Variants in TEAD2 observed in about 807,000 individuals in gnomAD.
TEAD2 encodes the protein transcriptional enhancer factor TEF-4.
Under a neutral mutation model 61.4 loss-of-function variants are expected in TEAD2, and 51 were observed. The ratio of observed to expected loss-of-function variants is 0.83; its 90% CI spans 0.66 to 1.05. The LOEUF is 1.05. Ranked by LOEUF, TEAD2 falls within the 50% of genes least tolerant of loss-of-function variation. The probability of loss-of-function intolerance (pLI) is 0.00; values close to 1 mark genes in which losing one functional copy is unlikely to be tolerated. For missense variants in TEAD2, 509 were observed against 600.0 expected, an observed-to-expected ratio of 0.85 and a Z score of 1.58; for synonymous variants, 244 against 243.2, an observed-to-expected ratio of 1.00 and a Z score of -0.03.
chr19:49,348,636 T>C (rs753558576), intron 9 of TEAD2, 67 bp downstream of exon 9: 1 of 1,392,404 alleles, frequency 7.2e-7, no homozygotes, highest in Non-Finnish European at 1.0e-6. Context: ...CATGACTTTA[T>C]ACATTCCCTT....
chr19:49,348,847 T>TAG lies in TEAD2; in HGVS notation c.605-4_605-3dup, dbSNP rs758210362. 1.3e-6 allele frequency: 2 copies of TAG among 1,534,030 alleles called. No individual in the cohort carries two copies. Among genetic ancestry groups the TAG allele is most frequent in the Non-Finnish European group, 1.7e-6 (2 of 1,146,084 alleles). ...AGAGGGCTTGGGGGGGCTCGTACCC[T>TAG]AGAGAGAGAGAAGAAAGAACAATAC... On this transcript the variant is annotated splice_polypyrimidine_tract_variant and splice_region_variant and intron_variant, in intron 8 of 12. Coordinates refer to ENST00000593945, the MANE Select transcript of TEAD2 (RefSeq NM_001256660.2).
intron 9 of TEAD2, 39 bp downstream of exon 9, chr19:49,348,664 T>C: frequency 6.4e-7 from 1 of 1,568,300 alleles, no homozygotes; most frequent in Non-Finnish European, 8.8e-7. Flanking sequence ...CCCTCTATAT[T>C]TCAAAATCCC....
chr19:49,350,582 G>A (rs954457792), intron 8 of TEAD2, among the ~76,000 whole-genome samples: 16 of 152,108 alleles, frequency 1.1e-4, no homozygotes, highest in Admixed American at 7.2e-4. Flanking sequence ...TGATCCACCC[G>A]CCTAGGCCTC....
chr19:49,344,407 A>G (rs532608321), intron 10 of TEAD2, among the ~76,000 whole-genome samples: 157 of 151,946 alleles, frequency 1.0e-3, no homozygotes, highest in African/African-American at 3.7e-3. Flanking sequence ...CAGCCTCCCA[A>G]GTGGCTGGGA....
chr19:49,348,427 C>G (rs1971787032), intron 9 of TEAD2, among the ~76,000 whole-genome samples: 1 of 152,164 alleles, frequency 6.6e-6, no homozygotes, highest in African/African-American at 2.4e-5. Context: ...ACCTTCCCAA[C>G]TTGTCACCCT....
At position 49,359,947 on chromosome 19, in the gene TEAD2, C is replaced by G; in HGVS notation, c.129G>C (p.Gly43=). ...TCTGCTCAATGTCTGGGCTCCACAC[C>G]CCCTCTGCATCCGGGCCCCCGTCAC... ...AGGDGGPDAE[G]VWSPDIEQSF... The change falls in exon 2 of 13, where the codon GGG becomes GGC. Residue 43 remains glycine (G), a synonymous_variant. Coordinates refer to ENST00000593945, the MANE Select transcript of TEAD2 (RefSeq NM_001256660.2). This position sits in a 1 kb window ranked among gnomAD's most constrained non-coding sequence, Gnocchi z 4.1. The G allele has an allele frequency of 6.2e-7, 1 of 1,612,018 alleles. No homozygotes were observed. Among genetic ancestry groups the G allele is most frequent in the Non-Finnish European group, 8.5e-7 (1 of 1,180,004 alleles).
chr19:49,351,374 A>G lies in TEAD2; in HGVS notation c.540-9T>C. On this transcript the variant is annotated splice_polypyrimidine_tract_variant and intron_variant, in intron 7 of 12. Transcript: ENST00000593945. ...GTGAGAATGGCTTCACACTGAGGGA[A>G]AAAGGAAGCCAGGGGTTAGCCAGGT... 1 of 1,607,608 alleles carries G rather than the reference A, an allele frequency of 6.2e-7. No homozygotes were observed. The highest frequency in any genetic ancestry group is 8.5e-7 in the Non-Finnish European group (1 of 1,177,690).
At position 49,357,328 on chromosome 19, in the gene TEAD2, C is replaced by G. The variant is rs749993764; in HGVS notation, c.298-14G>C. 3.5e-5 allele frequency: 56 copies of G among 1,613,428 alleles called. No homozygotes were observed. The highest frequency in any genetic ancestry group is 4.7e-5 in the Non-Finnish European group (55 of 1,179,830). ...GTGACTAGAAACCTGGAAGGATCAA[C>G]GGAGAAGCAGATTCAGGCCACAGCC... On this transcript the variant is annotated splice_polypyrimidine_tract_variant and intron_variant, in intron 3 of 12. Coordinates refer to ENST00000593945, the MANE Select transcript of TEAD2 (RefSeq NM_001256660.2).
intron 10 of TEAD2, among the ~76,000 whole-genome samples, chr19:49,343,855 T>TTGG (rs796254328): frequency 6.4e-4 from 73 of 113,562 alleles, no homozygotes; most frequent in African/African-American, 2.1e-3. Context: ...TCTTTTTTTT[T>TTGG]GGGGGGGGGG....
intron 9 of TEAD2, 39 bp from the exon 10 acceptor site, chr19:49,347,402 G>A: frequency 6.3e-7 from 1 of 1,592,764 alleles, no homozygotes; most frequent in Non-Finnish European, 8.5e-7. Context: ...TCGGAGGTGA[G>A]CTGGATCTCC....
At chr19:49,351,706 C>T (rs1379246576) in intron 7 of TEAD2, among the ~76,000 whole-genome samples, 1 of 152,098 alleles carries the variant, frequency 6.6e-6, no homozygotes, top group Non-Finnish European at 1.5e-5. Flanking sequence ...GAGAAACCAG[C>T]CTGGCGTGGT....
At chr19:49,361,230 T>TGACAGAGACCCAGAGAGAGGGG (rs1568585822) in intron 1 of TEAD2, among the ~76,000 whole-genome samples, 68 of 22,562 alleles carry the variant, frequency 3.0e-3, no homozygotes, top group African/African-American at 0.011. Flanking sequence ...AGAGAGAGGG[T>TGACAGAGACCCAGAGAGAGGGG]GACAGAGACC....
chr19:49,346,668 T>C (rs1456271298), intron 10 of TEAD2, among the ~76,000 whole-genome samples: 2 of 151,858 alleles, frequency 1.3e-5, no homozygotes, highest in Non-Finnish European at 2.9e-5. Context: ...AATAAATAAA[T>C]AAACAAATAA....
rs769504578 is a variant in TEAD2, at chr19:49,359,430, G to C, written c.297+5C>G. On this transcript the variant is annotated splice_donor_5th_base_variant and intron_variant, in intron 3 of 12. Coordinates refer to ENST00000593945, the MANE Select transcript of TEAD2 (RefSeq NM_001256660.2). The surrounding 1 kb of genome is among the most constrained non-coding windows in gnomAD (Gnocchi z 4.1). ...AGACAGAAGCCCACAAGTCCATTCC[G>C]AGACCTGTTTTCGAGTTCGGGTCTT... 2 of 1,613,826 alleles carry C rather than the reference G, an allele frequency of 1.2e-6. No individual in the cohort carries two copies. Among genetic ancestry groups the C allele is most frequent in the East Asian group, 2.2e-5 (1 of 44,882 alleles).
intron 10 of TEAD2, among the ~76,000 whole-genome samples, chr19:49,345,295 C>T (rs1447119784): frequency 1.3e-5 from 2 of 150,174 alleles, no homozygotes; most frequent in East Asian, 1.9e-4. Flanking sequence ...CCTTCCTTTC[C>T]TTCCTTCCTT....
At chr19:49,347,897 T>G (rs115413567) in intron 9 of TEAD2, among the ~76,000 whole-genome samples, 1 of 152,232 alleles carries the variant, frequency 6.6e-6, no homozygotes, top group Admixed American at 6.5e-5. Context: ...GACTGCTACG[T>G]GTTCACAAAT....
At chr19:49,352,224 C>T (rs927135278) in intron 7 of TEAD2, among the ~76,000 whole-genome samples, 1 of 152,074 alleles carries the variant, frequency 6.6e-6, no homozygotes. Context: ...CCATCCAATA[C>T]GGTACCCAGT....
At chr19:49,360,195 C>T in intron 1 of TEAD2, 114 bp from the exon 2 acceptor site, 1 of 798,176 alleles carries the variant, frequency 1.3e-6, no homozygotes, top group South Asian at 1.8e-5. Flanking sequence ...GGCTGGGGAC[C>T]TGGACTCCTG....
intron 10 of TEAD2, among the ~76,000 whole-genome samples, chr19:49,346,762 G>C (rs1971668371): frequency 6.6e-6 from 1 of 152,214 alleles, no homozygotes; most frequent in South Asian, 2.1e-4. Flanking sequence ...ACAAGGTCTG[G>C]TGAAACTGAT....
Sources: allele counts gnomAD v4.1 joint callset (sites outside exome capture counted in the v4.1 genomes callset), GRCh38; gene constraint gnomAD v4.1.1; non-coding constraint Gnocchi (gnomAD v3.1); transcripts MANE v1.5; gene names NCBI Gene and HGNC (gene_info 2026-07-23, HGNC 2026-07-21).